LRIF1: variants seen among roughly 807,000 people sequenced by gnomAD.
LRIF1 encodes the protein ligand-dependent nuclear receptor-interacting factor 1.
LRIF1 carries 32 observed loss-of-function variants against 52.7 expected under a neutral mutation model. That is an observed-to-expected ratio of 0.61 (90% confidence interval 0.46 to 0.82). LRIF1 has a LOEUF of 0.82. Ranked by LOEUF, LRIF1 falls within the 40% of genes least tolerant of loss-of-function variation. LRIF1 has a pLI of 0.00. For synonymous variants in LRIF1, 323 were observed against 317.4 expected (o/e 1.02, Z -0.19); for missense variants, 887 against 892.0 (o/e 0.99, Z 0.07).
the LRIF1 span, chr1:110,941,484 TA>T: frequency 6.6e-6 from 1 of 152,030 alleles, no homozygotes; most frequent in Non-Finnish European, 1.5e-5. Context: ...GTAGCTTCAG[TA>T]GCACTAATTC....
At chr1:110,902,528 A>C in the LRIF1 span, among the ~76,000 whole-genome samples, 94 of 148,418 alleles carry the variant, frequency 6.3e-4, no homozygotes, top group Admixed American at 2.5e-3. Flanking sequence ...AAAGAAATAC[A>C]GACAGAAAGG....
At chr1:110,915,846 A>G in the LRIF1 span, among the ~76,000 whole-genome samples, 3 of 152,256 alleles carry the variant, frequency 2.0e-5, no homozygotes, top group South Asian at 2.1e-4. Context: ...AGCTGTGAGA[A>G]CAAAAAGACA....
the LRIF1 span, among the ~76,000 whole-genome samples, chr1:110,883,087 CA>C: frequency 6.6e-6 from 1 of 151,916 alleles, no homozygotes; most frequent in Non-Finnish European, 1.5e-5. Context: ...AACTCCAGTA[CA>C]ATGCCAAATA....
chr1:110,878,505 G>A, the LRIF1 span, among the ~76,000 whole-genome samples: 1 of 152,086 alleles, frequency 6.6e-6, no homozygotes, highest in South Asian at 2.1e-4. Flanking sequence ...TGGGAGGTGG[G>A]ATTTCAGAAG....
At chr1:110,879,002 CT>C in the LRIF1 span, among the ~76,000 whole-genome samples, 35 of 152,000 alleles carry the variant, frequency 2.3e-4, no homozygotes, top group South Asian at 6.2e-4. Flanking sequence ...AAAACATGTG[CT>C]TTTCTTTATT....
chr1:110,935,926 T>A, the LRIF1 span, among the ~76,000 whole-genome samples: 3 of 150,796 alleles, frequency 2.0e-5, no homozygotes, highest in Non-Finnish European at 4.4e-5. Context: ...AGATCAAGTA[T>A]AAAGAAATAT....
chr1:110,946,916 C>G (rs1474159082), downstream of LRIF1, among the ~76,000 whole-genome samples: 2 of 152,116 alleles, frequency 1.3e-5, no homozygotes, highest in East Asian at 3.9e-4. Flanking sequence ...CTCGGCCTCC[C>G]AAAGTGCTGG....
the LRIF1 span, among the ~76,000 whole-genome samples, chr1:110,908,129 A>G: frequency 2.6e-5 from 4 of 152,252 alleles, no homozygotes; most frequent in Non-Finnish European, 5.9e-5. Context: ...TTTGATTCCT[A>G]TCTCACATCA....
chr1:110,886,637 TCAGG>T, the LRIF1 span, among the ~76,000 whole-genome samples: 1 of 151,920 alleles, frequency 6.6e-6, no homozygotes, highest in East Asian at 1.9e-4. Flanking sequence ...TCACTTGAGG[TCAGG>T]CATGCGAGAC....
chr1:110,928,828 G>A, the LRIF1 span, among the ~76,000 whole-genome samples: 1 of 152,104 alleles, frequency 6.6e-6, no homozygotes, highest in Non-Finnish European at 1.5e-5. Flanking sequence ...TAGTAGATGA[G>A]GTTAGAGAGG....
chr1:110,898,489 T>C, the LRIF1 span, among the ~76,000 whole-genome samples: 2 of 152,008 alleles, frequency 1.3e-5, no homozygotes, highest in African/African-American at 4.8e-5. Flanking sequence ...AATCCCACTG[T>C]GATCCCTCCT....
rs766108151 is a variant in LRIF1, at chr1:110,951,930, T to C, written c.954A>G (p.Leu318=). The change falls in exon 2 of 4, where the codon TTA becomes TTG. Residue 318 remains leucine, a synonymous_variant. Transcript: ENST00000369763. ...AATTTTTCCTATCTACAAAAGTTTT[T>C]AAAATCTTTGAAGCCACATTATTTG... ...KSSNNVASKI[L]KTFVDRKNLG... The C allele has an allele frequency of 6.2e-7, 1 of 1,614,014 alleles. No homozygotes were observed. Among genetic ancestry groups the C allele is most frequent in the South Asian group, 1.1e-5 (1 of 91,054 alleles).
At chr1:110,927,886 T>C in the LRIF1 span, among the ~76,000 whole-genome samples, 1 of 152,198 alleles carries the variant, frequency 6.6e-6, no homozygotes, top group Non-Finnish European at 1.5e-5. Flanking sequence ...TTAAAAATTT[T>C]ATTTAAAAAG....
Position 110,947,909 on chromosome 1 carries a change from G to A in LRIF1, c.*50C>T. 1 of 1,527,050 alleles carries A rather than the reference G, an allele frequency of 6.5e-7. No homozygotes were observed. Among genetic ancestry groups the A allele is most frequent in the Non-Finnish European group, 8.7e-7 (1 of 1,143,136 alleles). The allele number at this position is 1,527,050 out of a possible 1,614,324, so 94.6% of individuals were successfully genotyped here. A position where few individuals can be genotyped will look rare whatever the true frequency, so the allele number is the denominator to read the frequency against. ...CACCTACAATTAACTTATTAATGCTGAAGTATATTTTAAAAAACAGCTATT... is the reference window on the plus strand; with the variant it reads ...CACCTACAATTAACTTATTAATGCTAAAGTATATTTTAAAAAACAGCTATT... On this transcript the variant is annotated 3_prime_UTR_variant, in exon 4 of 4. Coordinates refer to ENST00000369763, the MANE Select transcript of LRIF1 (RefSeq NM_018372.4).
the LRIF1 span, among the ~76,000 whole-genome samples, chr1:110,905,341 A>G: frequency 6.6e-6 from 1 of 152,182 alleles, no homozygotes; most frequent in Non-Finnish European, 1.5e-5. Flanking sequence ...GCATTTAATA[A>G]GCAGACTCCC....
the LRIF1 span, among the ~76,000 whole-genome samples, chr1:110,922,144 C>CA: frequency 6.6e-6 from 1 of 152,030 alleles, no homozygotes; most frequent in Non-Finnish European, 1.5e-5. Context: ...CATGTCCCGG[C>CA]AAAAAATATG....
chr1:110,894,225 C>A, the LRIF1 span: 2 of 925,752 alleles, frequency 2.2e-6, no homozygotes, highest in Admixed American at 1.9e-5. Flanking sequence ...AGAACAGGAA[C>A]ACCCTGTACT....
chr1:110,877,227 C>T, the LRIF1 span, among the ~76,000 whole-genome samples: 2 of 152,082 alleles, frequency 1.3e-5, no homozygotes, highest in African/African-American at 4.8e-5. Flanking sequence ...TAGAATGTTT[C>T]TCCATTTGGG....
At chr1:110,960,504 G>A (rs1658907555) in intron 1 of LRIF1, among the ~76,000 whole-genome samples, 1 of 152,150 alleles carries the variant, frequency 6.6e-6, no homozygotes, top group South Asian at 2.1e-4. Context: ...GCTGCCAATG[G>A]CCAATCACAT....
Sources: allele counts gnomAD v4.1 joint callset (sites outside exome capture counted in the v4.1 genomes callset), GRCh38; gene constraint gnomAD v4.1.1; transcripts MANE v1.5; gene names NCBI Gene and HGNC (gene_info 2026-07-23, HGNC 2026-07-21).